The following ITGA1 variants were observed in gnomAD, a reference collection of about 807,000 sequenced individuals.
The protein encoded by ITGA1 is integrin alpha-1.
A neutral mutation model predicts 145.9 loss-of-function variants in ITGA1; 85 were observed. The observed-to-expected ratio is 0.58, with a 90% CI of 0.49 to 0.70. The LOEUF (loss-of-function observed/expected upper bound fraction) is 0.70. Among genes scored for constraint, ITGA1 ranks in the 30% least tolerant of loss-of-function variants. The pLI is 0.00. For synonymous variants in ITGA1, 520 were observed against 495.3 expected (o/e 1.05, Z -0.66); for missense variants, 1,351 against 1,418.7 (o/e 0.95, Z 0.77).
intron 1 of ITGA1, among the ~76,000 whole-genome samples, chr5:52,845,735 G>A (rs138325539): frequency 3.3e-5 from 5 of 152,206 alleles, no homozygotes; most frequent in Non-Finnish European, 5.9e-5. Context: ...TAGTATAAAG[G>A]ATAGCCCCTT....
At chr5:52,878,961 C>CA (rs33911483) in intron 6 of ITGA1, among the ~76,000 whole-genome samples, 5,082 of 130,598 alleles carry the variant, frequency 0.039, 177 homozygotes, top group African/African-American at 0.096. Flanking sequence ...GTCTAAGTAC[C>CA]AAAAAAAAAA....
rs181152994 is a variant in ITGA1 at position 52,871,110 on chromosome 5, C to T, written c.624+5293C>T. Among the ~76,000 whole-genome samples the T allele has an allele frequency of 3.3e-5, 5 of 152,268 alleles. No homozygotes were observed. The East Asian group carries it at 5.8e-4, about 18-fold the overall frequency. On this transcript the variant is annotated intron_variant, in intron 6 of 28. Coordinates refer to ENST00000282588, the MANE Select transcript of ITGA1 (RefSeq NM_181501.2). ...TTTCTCAACTACAGGCTTCTTACCT[C>T]GTGTAAGCCCTTAGTAGAAGTAGGA...
At chr5:52,804,291 G>T (rs1748547506) in intron 1 of ITGA1, among the ~76,000 whole-genome samples, 1 of 152,098 alleles carries the variant, frequency 6.6e-6, no homozygotes, top group Non-Finnish European at 1.5e-5. Context: ...TTCCTATCAT[G>T]TGCTTGCAAA....
chr5:52,892,659 GA>G (rs1750168784), intron 8 of ITGA1, among the ~76,000 whole-genome samples: 1 of 152,112 alleles, frequency 6.6e-6, no homozygotes, highest in Admixed American at 6.6e-5. Context: ...CTCTGCAATA[GA>G]AAGGACCCAA....
chr5:52,877,487 G>A (rs1579692293), intron 6 of ITGA1, among the ~76,000 whole-genome samples: 1 of 152,176 alleles, frequency 6.6e-6, no homozygotes, highest in South Asian at 2.1e-4. Flanking sequence ...TGCCATGTTA[G>A]TTTACCATTG....
At chr5:52,902,515 A>G (rs1186291907) in intron 11 of ITGA1, 1 of 152,128 alleles carries the variant, frequency 6.6e-6, no homozygotes, top group Admixed American at 6.6e-5. Context: ...GACAGAATTC[A>G]TTCTTCATAA....
At chr5:52,898,534 G>A (rs558045146) in intron 11 of ITGA1, 151 bp downstream of exon 11, 2 of 684,732 alleles carry the variant, frequency 2.9e-6, no homozygotes, top group Non-Finnish European at 4.6e-6. Flanking sequence ...AAAGTTTTAG[G>A]CCTCTGAGCA....
At chr5:52,848,135 C>T (rs1443341912) in intron 1 of ITGA1, among the ~76,000 whole-genome samples, 2 of 152,136 alleles carry the variant, frequency 1.3e-5, no homozygotes, top group African/African-American at 4.8e-5. Context: ...TTTATCAACA[C>T]CAACATTATA....
chr5:52,937,949 CT>C (rs1283624391), intron 24 of ITGA1, among the ~76,000 whole-genome samples: 2 of 152,062 alleles, frequency 1.3e-5, no homozygotes, highest in East Asian at 1.9e-4. Flanking sequence ...TTCTCCTTCT[CT>C]CTTTGTGTTT....
chr5:52,907,087 G>A (rs935735935), intron 12 of ITGA1, among the ~76,000 whole-genome samples: 1 of 152,146 alleles, frequency 6.6e-6, no homozygotes, highest in African/African-American at 2.4e-5. Flanking sequence ...TCCAGTAAGA[G>A]GTTATTTTTA....
chr5:52,921,494 TA>T (rs1045507077), intron 17 of ITGA1, among the ~76,000 whole-genome samples: 9 of 152,208 alleles, frequency 5.9e-5, no homozygotes, highest in African/African-American at 2.2e-4. Flanking sequence ...TTTGGTAAAA[TA>T]ACACTGGAGT....
At position 52,788,129 on chromosome 5, in the gene ITGA1, A is replaced by C. The variant is rs1023443133; in HGVS notation, c.-225A>C. ...GACCAAGAGCGCGAAGGGGCGGGCG[A>C]TGTGGCAATCCGTCTGGGATGTGAA... On this transcript the variant is annotated 5_prime_UTR_variant, in exon 1 of 29. An upstream start codon of the reference 5' UTR is lost. Transcript: ENST00000282588. The C allele has an allele frequency of 9.2e-6, 4 of 433,852 alleles. No individual in the cohort carries two copies. In the East Asian group the frequency reaches 1.1e-4, roughly 12 times the overall value. The allele number at this position is 433,852 out of a possible 1,614,324, so 26.9% of individuals were successfully genotyped here.
At chr5:52,935,289 G>A (rs1413318700) in intron 23 of ITGA1, among the ~76,000 whole-genome samples, 2 of 151,862 alleles carry the variant, frequency 1.3e-5, no homozygotes, top group South Asian at 2.1e-4. Context: ...TTTTCCCTAG[G>A]AAATTTTTGG....
chr5:52,798,980 G>A (rs750110546), intron 1 of ITGA1, among the ~76,000 whole-genome samples: 9 of 152,008 alleles, frequency 5.9e-5, no homozygotes, highest in Non-Finnish European at 1.0e-4. Flanking sequence ...AATGAGTTTG[G>A]GGATCCGAGA....
intron 1 of ITGA1, among the ~76,000 whole-genome samples, chr5:52,793,295 T>C (rs10060116): frequency 0.015 from 2,345 of 152,166 alleles, 65 homozygotes; most frequent in African/African-American, 0.053. Context: ...GAATTGACTA[T>C]TGACAAACTC....
intron 1 of ITGA1, among the ~76,000 whole-genome samples, chr5:52,817,902 G>A (rs1212610173): frequency 6.6e-6 from 1 of 152,178 alleles, no homozygotes; most frequent in Admixed American, 6.5e-5. Context: ...TTTAGCTTTT[G>A]CTGGCCACAC....
chr5:52,830,938 G>A (rs1473454779), intron 1 of ITGA1, among the ~76,000 whole-genome samples: 2 of 152,094 alleles, frequency 1.3e-5, no homozygotes, highest in Non-Finnish European at 2.9e-5. Context: ...ATTTTTATGT[G>A]CATAATGGAA....
At chr5:52,946,399 C>A (rs2111909532) in intron 27 of ITGA1, among the ~76,000 whole-genome samples, 1 of 152,288 alleles carries the variant, frequency 6.6e-6, no homozygotes, top group East Asian at 1.9e-4. Flanking sequence ...AAGAAACTGT[C>A]ATAATGGTCT....
rs563455810 is a variant in ITGA1, at chr5:52,957,426, C to T, written c.*4975C>T. The T allele has an allele frequency of 6.6e-6, 1 of 152,312 alleles. No individual in the cohort carries two copies. The highest frequency in any genetic ancestry group is 2.4e-5 in the African/African-American group (1 of 41,568). 9.4% of individuals were successfully genotyped at this position (152,312 alleles called of 1,614,324 possible). A position where few individuals can be genotyped will look rare whatever the true frequency, so the allele number is the denominator to read the frequency against. On this transcript the variant is annotated 3_prime_UTR_variant, in exon 29 of 29. Coordinates refer to ENST00000282588, the MANE Select transcript of ITGA1 (RefSeq NM_181501.2). ...GACTCATCACTCCTAACTTTGGACT[C>T]CTTGCTTTGAGATCGGTATTTTTTT...
Sources: gnomAD v4.1 joint callset for allele counts (sites outside exome capture counted in the v4.1 genomes callset) on GRCh38, gnomAD v4.1.1 for gene constraint, MANE v1.5 for transcripts, NCBI Gene and HGNC (gene_info 2026-07-23, HGNC 2026-07-21) for gene names.